Variants in CNTN6 observed in about 807,000 individuals in gnomAD.
CNTN6 encodes the protein contactin 6.
CNTN6 carries 137 observed loss-of-function variants against 122.8 expected under a neutral mutation model. That is an observed-to-expected ratio of 1.12 (90% CI 0.97 to 1.29). CNTN6 has a LOEUF of 1.29. Ranked by LOEUF, CNTN6 falls within the 50% of genes most tolerant of loss-of-function variation. CNTN6 has a pLI of 0.00. For missense variants in CNTN6, 1,634 were observed against 1,223.4 expected (o/e 1.34, Z -5.01); for synonymous variants, 570 against 426.0 (o/e 1.34, Z -4.16).
In CNTN6 at chr3:1,245,225, T is replaced by TATAAC. The variant is rs1559595416; in HGVS notation, c.358+17235_358+17236insACATA. Among the ~76,000 whole-genome samples the TATAAC allele has an allele frequency of 1.1e-3, 19 of 17,256 alleles. 3 individuals carry two copies. The highest frequency in any genetic ancestry group is 1.5e-3 in the African/African-American group (5 of 3,412). 11.3% of individuals were successfully genotyped at this position (17,256 alleles called of 152,430 possible). On this transcript the variant is annotated intron_variant, in intron 4 of 22. Transcript: ENST00000446702. ...ATATATATATATATATATATATATATATATATATATACACACACACATATA... is the reference window on the plus strand; with the variant it reads ...ATATATATATATATATATATATATATATAACATATATATATACACACACACATATA...
chr3:1,373,928 A>G lies in CNTN6; in HGVS notation c.1950A>G (p.Pro650=). ...TTAGTGTCTCATTCTTTTTAGTTCCAGAAATTCTCAATGGTAAGACATACA... is the reference window on the plus strand; with the variant it reads ...TTAGTGTCTCATTCTTTTTAGTTCCGGAAATTCTCAATGGTAAGACATACA... ...SVGWQAVATV[P]EILNGKTYNA... The change falls in exon 16 of 23, where the codon CCA becomes CCG. Residue 650 remains proline, a synonymous_variant. Transcript: ENST00000446702. 1 of 1,608,286 alleles carries G rather than the reference A, an allele frequency of 6.2e-7. No individual in the cohort carries two copies. Among genetic ancestry groups the G allele is most frequent in the Admixed American group, 1.7e-5 (1 of 59,576 alleles).
intron 2 of CNTN6, among the ~76,000 whole-genome samples, chr3:1,184,356 G>A (rs1442194645): frequency 6.6e-6 from 1 of 152,154 alleles, no homozygotes; most frequent in Non-Finnish European, 1.5e-5. Context: ...GTCATTGAAT[G>A]TAGTTCTAAC....
intron 1 of CNTN6, among the ~76,000 whole-genome samples, chr3:1,120,247 G>T (rs780546002): frequency 3.9e-5 from 6 of 151,914 alleles, no homozygotes; most frequent in Non-Finnish European, 8.8e-5. Flanking sequence ...GAGAGGAATT[G>T]ATGGGTTATA....
chr3:1,147,428 G>A (rs1173513682), intron 1 of CNTN6, among the ~76,000 whole-genome samples: 1 of 152,046 alleles, frequency 6.6e-6, no homozygotes, highest in Non-Finnish European at 1.5e-5. Flanking sequence ...ACATAGATAA[G>A]TTTATTCTGA....
At chr3:1,301,287 G>T (rs1241248799) in intron 7 of CNTN6, among the ~76,000 whole-genome samples, 1 of 151,826 alleles carries the variant, frequency 6.6e-6, no homozygotes, top group African/African-American at 2.4e-5. Flanking sequence ...CACCCATCTT[G>T]GCCTCCCAAA....
intron 5 of CNTN6, among the ~76,000 whole-genome samples, chr3:1,291,777 G>A (rs1048458906): frequency 3.9e-5 from 6 of 152,150 alleles, no homozygotes; most frequent in Non-Finnish European, 7.3e-5. Context: ...AGCAAAGGAC[G>A]TCAGTAAAGA....
chr3:1,315,463 G>A (rs1699962028), intron 7 of CNTN6, among the ~76,000 whole-genome samples: 1 of 151,904 alleles, frequency 6.6e-6, no homozygotes, highest in South Asian at 2.1e-4. Context: ...TAATTTAGTT[G>A]AAATTACCCA....
At chr3:1,324,859 A>G (rs948557858) in intron 8 of CNTN6, among the ~76,000 whole-genome samples, 1 of 149,650 alleles carries the variant, frequency 6.7e-6, no homozygotes, top group Non-Finnish European at 1.5e-5. Flanking sequence ...CATCTTGAAC[A>G]GGTTACCTAA....
intron 4 of CNTN6, among the ~76,000 whole-genome samples, chr3:1,247,034 T>G (rs1418701982): frequency 6.6e-6 from 1 of 151,000 alleles, no homozygotes; most frequent in Non-Finnish European, 1.5e-5. Flanking sequence ...GTTCAATCTA[T>G]TGGTCTTTTT....
intron 11 of CNTN6, among the ~76,000 whole-genome samples, chr3:1,339,983 A>C (rs1169216857): frequency 1.3e-5 from 2 of 152,184 alleles, no homozygotes; most frequent in African/African-American, 2.4e-5. Flanking sequence ...TTTATATGCT[A>C]TCCATCAAGG....
chr3:1,216,747 C>T (rs75237429), intron 2 of CNTN6, among the ~76,000 whole-genome samples: 2,076 of 152,256 alleles, frequency 0.014, 51 homozygotes, highest in African/African-American at 0.047. Flanking sequence ...GCCTAAATTA[C>T]AATTTTAAGA....
At chr3:1,294,855 A>G (rs1180473552) in intron 5 of CNTN6, among the ~76,000 whole-genome samples, 1 of 152,192 alleles carries the variant, frequency 6.6e-6, no homozygotes, top group East Asian at 1.9e-4. Context: ...GAGATTACTC[A>G]CATTATTGGC....
intron 6 of CNTN6, among the ~76,000 whole-genome samples, chr3:1,296,380 C>G (rs1696240271): frequency 6.6e-6 from 1 of 152,214 alleles, no homozygotes; most frequent in Admixed American, 6.5e-5. Flanking sequence ...TCACACTAGT[C>G]TCTGACGAGC....
chr3:1,326,835 G>A (rs141157735), intron 9 of CNTN6, among the ~76,000 whole-genome samples: 3 of 151,920 alleles, frequency 2.0e-5, no homozygotes, highest in African/African-American at 7.2e-5. Context: ...TTCCCTAGAG[G>A]ATGGTAATAC....
At chr3:1,390,504 G>GA (rs1238233982) in intron 20 of CNTN6, among the ~76,000 whole-genome samples, 4 of 151,952 alleles carry the variant, frequency 2.6e-5, no homozygotes, top group Middle Eastern at 3.4e-3. Flanking sequence ...AAAAGAACTA[G>GA]AAAAGCAAGA....
rs993761356 is a variant in CNTN6 at position 1,352,263 on chromosome 3, C to T, written c.1365-61C>T. On this transcript the variant is annotated intron_variant, in intron 11 of 22. Transcript: ENST00000446702. ...AGTAAAGTTTTAAAATAAAAATAAG[C>T]ACTTATGATTTACCAGTGTTGAAGA... The T allele has an allele frequency of 3.0e-6, 4 of 1,355,612 alleles. No individual in the cohort carries two copies. In the Admixed American group the frequency reaches 1.0e-4, roughly 35 times the overall value. The allele number at this position is 1,355,612 out of a possible 1,614,324, so 84.0% of individuals were successfully genotyped here.
chr3:1,134,091 A>C (rs1451647468), intron 1 of CNTN6, among the ~76,000 whole-genome samples: 1 of 152,110 alleles, frequency 6.6e-6, no homozygotes. Context: ...AAGACCACTC[A>C]CTGTGAAGTC....
At chr3:1,274,979 G>A (rs1369069204) in intron 4 of CNTN6, among the ~76,000 whole-genome samples, 2 of 147,430 alleles carry the variant, frequency 1.4e-5, no homozygotes, top group East Asian at 3.9e-4. Flanking sequence ...AAATCAGTTT[G>A]ATTGAAAAAT....
At chr3:1,351,077 A>G (rs1705557137) in intron 11 of CNTN6, among the ~76,000 whole-genome samples, 1 of 151,884 alleles carries the variant, frequency 6.6e-6, no homozygotes, top group Admixed American at 6.6e-5. Flanking sequence ...TATGCCATGG[A>G]ACATTCTAAA....
Sources: allele counts gnomAD v4.1 joint callset (sites outside exome capture counted in the v4.1 genomes callset), GRCh38; gene constraint gnomAD v4.1.1; transcripts MANE v1.5; gene names NCBI Gene and HGNC (gene_info 2026-07-23, HGNC 2026-07-21).